NDUFAF6: variants seen among roughly 807,000 people sequenced by gnomAD.
The protein encoded by NDUFAF6 is NADH dehydrogenase (ubiquinone) complex I, assembly factor 6.
Under a neutral mutation model 40.8 loss-of-function variants are expected in NDUFAF6, and 45 were observed. The observed-to-expected ratio is 1.10, with a 90% CI of 0.87 to 1.42. The LOEUF is 1.42. Among genes scored for constraint, NDUFAF6 ranks in the 40% most tolerant of loss-of-function variants. NDUFAF6 has a pLI of 0.00. For synonymous variants in NDUFAF6, 185 were observed against 155.9 expected (o/e 1.19, Z -1.39); for missense variants, 435 against 418.5 (o/e 1.04, Z -0.34).
At chr8:95,091,854 G>T (rs1457929706) in intron 2 of NDUFAF6, among the ~76,000 whole-genome samples, 1 of 144,914 alleles carries the variant, frequency 6.9e-6, no homozygotes, top group Admixed American at 7.2e-5. Flanking sequence ...TGCCCAGGCT[G>T]GTCTCAAACT....
intron 6 of NDUFAF6, among the ~76,000 whole-genome samples, chr8:95,047,835 A>G (rs1167950014): frequency 6.6e-6 from 1 of 151,710 alleles, no homozygotes; most frequent in Non-Finnish European, 1.5e-5. Context: ...TATGAGATTC[A>G]TTATTTGTTC....
chr8:94,911,446 A>C (rs1319454049), intron 1 of NDUFAF6, among the ~76,000 whole-genome samples: 1 of 152,190 alleles, frequency 6.6e-6, no homozygotes, highest in African/African-American at 2.4e-5. Context: ...AGTGATTTGG[A>C]GTAGAATATT....
At chr8:94,896,701 A>G (rs1330871342) in intron 1 of NDUFAF6, 1 of 151,892 alleles carries the variant, frequency 6.6e-6, no homozygotes, top group Non-Finnish European at 1.5e-5. Context: ...CCCGAGATGC[A>G]CCGGGAGGCG....
At chr8:95,062,882 G>T (rs1832605950), downstream of NDUFAF6, among the ~76,000 whole-genome samples, 1 of 152,142 alleles carries the variant, frequency 6.6e-6, no homozygotes, top group African/African-American at 2.4e-5. Flanking sequence ...GTGGGCTGGG[G>T]GCTCTCAGGA....
chr8:94,933,147 C>T (rs1433680443), intron 1 of NDUFAF6, among the ~76,000 whole-genome samples: 3 of 152,184 alleles, frequency 2.0e-5, no homozygotes, highest in Middle Eastern at 3.4e-3. Flanking sequence ...GAACCCAGTG[C>T]GGAGGTTGCA....
Position 95,057,073 on chromosome 8 carries a change from C to T in NDUFAF6, c.874-736C>T, listed in dbSNP as rs566321990. ...TGCATTAATCCCCCAGGTTCTGTGCCGCAGAACTCTAGGGGGCGCTGCTTA... is the reference window on the plus strand; with the variant it reads ...TGCATTAATCCCCCAGGTTCTGTGCTGCAGAACTCTAGGGGGCGCTGCTTA... On this transcript the variant is annotated intron_variant, in intron 8 of 8. Coordinates refer to ENST00000396124, the MANE Select transcript of NDUFAF6 (RefSeq NM_152416.4). Among the ~76,000 whole-genome samples the T allele has an allele frequency of 9.9e-5, 15 of 152,172 alleles. No homozygotes were observed. The East Asian group carries it at 1.2e-3, about 12-fold the overall frequency.
chr8:94,996,058 C>T (rs1826416841), intron 2 of NDUFAF6, among the ~76,000 whole-genome samples: 2 of 152,156 alleles, frequency 1.3e-5, no homozygotes, highest in Non-Finnish European at 2.9e-5. Flanking sequence ...CAGGCGTGAG[C>T]CACTGCACCC....
chr8:95,020,710 G>C (rs977821544), upstream of NDUFAF6, among the ~76,000 whole-genome samples: 1 of 152,190 alleles, frequency 6.6e-6, no homozygotes, highest in Non-Finnish European at 1.5e-5. Context: ...CAGGCACTTG[G>C]CCAGGCACTG....
chr8:95,102,716 C>T (rs1809688376), intron 2 of NDUFAF6, among the ~76,000 whole-genome samples: 1 of 152,166 alleles, frequency 6.6e-6, no homozygotes, highest in Non-Finnish European at 1.5e-5. Flanking sequence ...GAGGAGCTGT[C>T]AGTGTTGCAA....
upstream of NDUFAF6, among the ~76,000 whole-genome samples, chr8:94,955,028 TC>T: frequency 6.6e-6 from 1 of 152,320 alleles, no homozygotes; most frequent in East Asian, 1.9e-4. Flanking sequence ...ATTATGGAGT[TC>T]CTGCTCTGGA....
At chr8:94,943,672 C>CAG (rs1184309489) in intron 1 of NDUFAF6, among the ~76,000 whole-genome samples, 1 of 152,218 alleles carries the variant, frequency 6.6e-6, no homozygotes, top group Admixed American at 6.5e-5. Flanking sequence ...ATTCCTGGTT[C>CAG]AGTTCCTTGT....
intron 1 of NDUFAF6, among the ~76,000 whole-genome samples, chr8:94,979,469 CTCTT>C (rs946939388): frequency 6.6e-4 from 101 of 152,278 alleles, no homozygotes; most frequent in African/African-American, 2.2e-3. Context: ...CCTTCCTTCT[CTCTT>C]TCTTTTTGTA....
intron 2 of NDUFAF6, among the ~76,000 whole-genome samples, chr8:94,946,569 T>C (rs1822009875): frequency 6.6e-6 from 1 of 151,376 alleles, no homozygotes; most frequent in South Asian, 2.1e-4. Context: ...TGGTGGTATG[T>C]GCATGTAGTC....
upstream of NDUFAF6, chr8:95,023,035 C>T (rs1221166557): frequency 2.0e-5 from 3 of 152,008 alleles, no homozygotes; most frequent in Admixed American, 1.3e-4. Flanking sequence ...CCTGTGGTGT[C>T]GATTTATCTT....
At chr8:95,065,810 T>A (rs1188045344) in intron 9 of NDUFAF6, among the ~76,000 whole-genome samples, 1 of 152,214 alleles carries the variant, frequency 6.6e-6, no homozygotes, top group Non-Finnish European at 1.5e-5. Flanking sequence ...CTAGGTATAG[T>A]TTCATTTGCC....
chr8:94,941,590 G>A (rs1821539337), intron 1 of NDUFAF6, among the ~76,000 whole-genome samples: 1 of 152,196 alleles, frequency 6.6e-6, no homozygotes, highest in East Asian at 1.9e-4. Flanking sequence ...AGCCCAGCAA[G>A]CATACTTTGA....
At chr8:94,937,636 C>T (rs1821118803) in intron 1 of NDUFAF6, among the ~76,000 whole-genome samples, 1 of 152,046 alleles carries the variant, frequency 6.6e-6, no homozygotes, top group South Asian at 2.1e-4. Context: ...TCCCACATCA[C>T]CTCATTTTTT....
At chr8:95,005,526 AATATATATAT>A (rs760333438) in intron 2 of NDUFAF6, among the ~76,000 whole-genome samples, 2 of 7,278 alleles carry the variant, frequency 2.7e-4, no homozygotes, top group Admixed American at 3.5e-3. Flanking sequence ...GGTCCTTTTA[AATATATATAT>A]ATATATATAT....
At chr8:94,985,743 C>G (rs1464543874) in intron 2 of NDUFAF6, among the ~76,000 whole-genome samples, 1 of 150,220 alleles carries the variant, frequency 6.7e-6, no homozygotes, top group Non-Finnish European at 1.5e-5. Flanking sequence ...ACTATGTTGG[C>G]CAGTCTGGTC....
Sources: gnomAD v4.1 joint callset for allele counts (sites outside exome capture counted in the v4.1 genomes callset) on GRCh38, gnomAD v4.1.1 for gene constraint, MANE v1.5 for transcripts, NCBI Gene and HGNC (gene_info 2026-07-23, HGNC 2026-07-21) for gene names.